ZAN: variants seen among roughly 807,000 people sequenced by gnomAD.
ZAN encodes the protein zonadhesin (gene/pseudogene).
ZAN carries 260 observed loss-of-function variants against 286.2 expected under a neutral mutation model. The observed-to-expected ratio is 0.91, with a 90% CI of 0.82 to 1.01. The LOEUF is 1.01. Among genes scored for constraint, ZAN ranks in the 50% least tolerant of loss-of-function variants. ZAN has a pLI of 0.00. For synonymous variants in ZAN, 1,368 were observed against 1,417.5 expected (o/e 0.97, Z 0.79); for missense variants, 3,410 against 3,639.2 (o/e 0.94, Z 1.62).
Position 100,759,847 on chromosome 7 carries a change from T to A in ZAN, c.3696+2T>A. On this transcript the variant is annotated splice_donor_variant, in intron 18 of 47. Transcript: ENST00000613979. LOFTEE classifies it high-confidence loss of function. Reference sequence around the variant, plus strand: ...CTGCTTAAGGGCAGACGCACTCTGGTGAGCCCCATTCCACCCCCACCATCC... The same window carrying A: ...CTGCTTAAGGGCAGACGCACTCTGGAGAGCCCCATTCCACCCCCACCATCC... 1 of 1,611,986 alleles carries A rather than the reference T, an allele frequency of 6.2e-7. No individual in the cohort carries two copies. Among genetic ancestry groups the A allele is most frequent in the Non-Finnish European group, 8.5e-7 (1 of 1,179,112 alleles).
Position 100,751,634 on chromosome 7 carries a change from C to T in ZAN, c.1607-78C>T, listed in dbSNP as rs889184766. On this transcript the variant is annotated intron_variant, in intron 13 of 47. Coordinates refer to ENST00000613979, the MANE Select transcript of ZAN (RefSeq NM_003386.3). ...TGTGAATAAGCCACCCATGGGAGCC[C>T]ACTCCAGTTAGATGGCAGTAAAGAG... The T allele has an allele frequency of 4.1e-6, 6 of 1,462,744 alleles. No homozygotes were observed. The African/African-American group carries it at 5.7e-5, about 14-fold the overall frequency. The allele number at this position is 1,462,744 out of a possible 1,614,324, so 90.6% of individuals were successfully genotyped here. A position where few individuals can be genotyped will look rare whatever the true frequency, so the allele number is the denominator to read the frequency against.
chr7:100,735,550 GA>G (rs368199475), intron 2 of ZAN, among the ~76,000 whole-genome samples, 169 bp from the exon 3 acceptor site: 1,678 of 105,314 alleles, frequency 0.016, 168 homozygotes, highest in African/African-American at 0.051. Context: ...CTGGGTGCCG[GA>G]AAAAAAAAAA....
intron 35 of ZAN, among the ~76,000 whole-genome samples, chr7:100,783,805 C>CATATATATATACACAT (rs1811376360): frequency 3.9e-4 from 9 of 22,858 alleles, no homozygotes; most frequent in Middle Eastern, 0.056. Flanking sequence ...TATATACACA[C>CATATATATATACACAT]ATATATATAT....
At chr7:100,755,940 G>C (rs188941250) in intron 15 of ZAN, among the ~76,000 whole-genome samples, 1 of 151,868 alleles carries the variant, frequency 6.6e-6, no homozygotes, top group African/African-American at 2.4e-5. Flanking sequence ...ACCCAGGCTG[G>C]AGTGCAGTGG....
At position 100,779,558 on chromosome 7, in the gene ZAN, G is replaced by C; in HGVS notation, c.6430G>C (p.Ala2144Pro). Residue 2144 changes from alanine to proline, a missense_variant, in exon 35 of 48, where the codon GCG becomes CCG. By Grantham distance (27) the Ala-to-Pro change is conservative. Transcript: ENST00000613979. Reference protein sequence around the residue: ...LRRAREKCEAALRAPVWAQCA... With the variant: ...LRRAREKCEAPLRAPVWAQCA... Reference sequence around the variant, plus strand: ...CAGGGCGCGGGAAAAGTGCGAGGCAGCGCTCCGGGCTCCTGTGTGGGCCCA... The same window carrying C: ...CAGGGCGCGGGAAAAGTGCGAGGCACCGCTCCGGGCTCCTGTGTGGGCCCA... 6 of 1,611,140 alleles carry C rather than the reference G, an allele frequency of 3.7e-6. No homozygotes were observed. Among genetic ancestry groups the C allele is most frequent in the Non-Finnish European group, 5.1e-6 (6 of 1,178,822 alleles).
At chr7:100,751,477 C>T (rs1021327748) in intron 13 of ZAN, among the ~76,000 whole-genome samples, 1 of 152,142 alleles carries the variant, frequency 6.6e-6, no homozygotes, top group African/African-American at 2.4e-5. Flanking sequence ...ATTTTGGGGG[C>T]TGGATCCAGA....
chr7:100,791,124 T>G lies in ZAN; in HGVS notation c.7529+11T>G. The G allele has an allele frequency of 6.2e-7, 1 of 1,607,532 alleles. No homozygotes were observed. The highest frequency in any genetic ancestry group is 1.1e-5 in the South Asian group (1 of 89,928). On this transcript the variant is annotated intron_variant, in intron 40 of 47. Coordinates refer to ENST00000613979, the MANE Select transcript of ZAN (RefSeq NM_003386.3). ...CCTGCGCTTCCCCAGGTGCACGGCCTGGAAGGGATGAGGCGGGGGAGGTGA... is the reference window on the plus strand; with the variant it reads ...CCTGCGCTTCCCCAGGTGCACGGCCGGGAAGGGATGAGGCGGGGGAGGTGA...
At position 100,763,868 on chromosome 7, in the gene ZAN, C is replaced by A. The variant is rs753967647; in HGVS notation, c.4049C>A (p.Ser1350Ter). ...SCDSSLQSSM[S>*]GPGFCGRLVD... is the part of the protein sequence containing the mutation. ...GATTCATCTCTGCAGAGCAGCATGT[C>A]GGGGCCAGGGTTCTGTGGACGGCTG... Residue 1350 changes from serine to a stop codon, truncating the protein, a stop_gained, in exon 21 of 48, where the codon TCG becomes TAG. Coordinates refer to ENST00000613979, the MANE Select transcript of ZAN (RefSeq NM_003386.3). LOFTEE classifies it high-confidence loss of function. This position sits in a 1 kb window ranked among gnomAD's most constrained non-coding sequence, Gnocchi z 4.6. 2.5e-6 allele frequency: 4 copies of A among 1,614,042 alleles called. No individual in the cohort carries two copies. The highest frequency in any genetic ancestry group is 1.6e-4 in the Middle Eastern group (1 of 6,062).
rs1302166809 is a variant in ZAN, at chr7:100,753,059, T to A, written c.2954T>A (p.Ile985Asn). The A allele has an allele frequency of 3.7e-6, 6 of 1,613,278 alleles. No homozygotes were observed. In the African/African-American group the frequency reaches 4.0e-5, roughly 11 times the overall value. The part of the protein sequence containing the change: ...KLTIPTEKPT[I>N]PTEKPTIPTE... ...ACCATCCCCACGGAAAAACCCACCA[T>A]CCCCACAGAAAAACCCACCATTCCC... Residue 985 changes from isoleucine to asparagine, a missense_variant, in exon 14 of 48, where the codon ATC becomes AAC. Coordinates refer to ENST00000613979, the MANE Select transcript of ZAN (RefSeq NM_003386.3).
chr7:100,797,576 G>A lies in ZAN; in HGVS notation c.8367-1G>A, dbSNP rs1258039769. The A allele has an allele frequency of 6.2e-7, 1 of 1,613,432 alleles. No individual in the cohort carries two copies. Among genetic ancestry groups the A allele is most frequent in the African/African-American group, 1.3e-5 (1 of 74,570 alleles). ...CATGTCTATTCCCCCATGCCTTCTA[G>A]AGAGAAAACGCAGGAGGGAGACAGA... On this transcript the variant is annotated splice_acceptor_variant, in intron 46 of 47. Coordinates refer to ENST00000613979, the MANE Select transcript of ZAN (RefSeq NM_003386.3). LOFTEE classifies it high-confidence loss of function.
At chr7:100,788,352 A>G (rs1209702223) in intron 38 of ZAN, among the ~76,000 whole-genome samples, 1 of 151,738 alleles carries the variant, frequency 6.6e-6, no homozygotes, top group Non-Finnish European at 1.5e-5. Context: ...GGAGTTCAAG[A>G]CCAGCCTGGG....
chr7:100,755,718 C>G (rs983387034), intron 15 of ZAN, among the ~76,000 whole-genome samples: 4 of 151,960 alleles, frequency 2.6e-5, no homozygotes, highest in African/African-American at 9.7e-5. Context: ...ACTGCAGGCA[C>G]ATGCCACCAT....
chr7:100,760,387 C>G lies in ZAN; in HGVS notation c.3697-4C>G. The G allele has an allele frequency of 6.2e-7, 1 of 1,613,580 alleles. No homozygotes were observed. Among genetic ancestry groups the G allele is most frequent in the Non-Finnish European group, 8.5e-7 (1 of 1,179,622 alleles). Reference sequence around the variant, plus strand: ...CTGTCTCTTGCCTCTGCCCTGCCTTCCAGGTTGGGGGTCAGCAAGTTACTC... The same window carrying G: ...CTGTCTCTTGCCTCTGCCCTGCCTTGCAGGTTGGGGGTCAGCAAGTTACTC... On this transcript the variant is annotated splice_region_variant and splice_polypyrimidine_tract_variant and intron_variant, in intron 18 of 47. Coordinates refer to ENST00000613979, the MANE Select transcript of ZAN (RefSeq NM_003386.3).
At position 100,779,552 on chromosome 7, in the gene ZAN, G is replaced by C; in HGVS notation, c.6424G>C (p.Glu2142Gln). Residue 2142 changes from glutamate (E) to glutamine (Q), a missense_variant, in exon 35 of 48, where the codon GAG (glutamate) becomes CAG (glutamine). Physicochemically the swap from Glu to Gln is conservative, Grantham distance 29. Transcript: ENST00000613979. ...ADLRRAREKC[E>Q]AALRAPVWAQ... ...CCTCCGCAGGGCGCGGGAAAAGTGC[G>C]AGGCAGCGCTCCGGGCTCCTGTGTG... is the stretch of plus-strand genomic sequence containing the variant. 6.2e-7 allele frequency: 1 copy of C among 1,611,726 alleles called. No individual in the cohort carries two copies. Among genetic ancestry groups the C allele is most frequent in the South Asian group, 1.1e-5 (1 of 90,542 alleles).
At chr7:100,759,405 C>T (rs1256910807) in intron 17 of ZAN, among the ~76,000 whole-genome samples, 5 of 151,780 alleles carry the variant, frequency 3.3e-5, no homozygotes, top group East Asian at 3.9e-4. Context: ...GATCTTGTCT[C>T]GAAAAATAAA....
At chr7:100,765,618 C>G in intron 23 of ZAN, 64 bp downstream of exon 23, 3 of 1,483,114 alleles carry the variant, frequency 2.0e-6, no homozygotes, top group South Asian at 1.3e-5. Flanking sequence ...GCTCTCACAC[C>G]CCCTGCAAGC....
At position 100,768,732 on chromosome 7, in the gene ZAN, G is replaced by T; in HGVS notation, c.5153+11G>T. ...ATCCTCTGAACCTGGGTGAGCTGGG[G>T]GTCAGGGGAGCCAGGCAGGAGGGGC... On this transcript the variant is annotated intron_variant, in intron 27 of 47. Transcript: ENST00000613979. The T allele has an allele frequency of 4.4e-6, 7 of 1,580,544 alleles. No homozygotes were observed. The highest frequency in any genetic ancestry group is 5.2e-6 in the Non-Finnish European group (6 of 1,162,978).
Position 100,737,113 on chromosome 7 carries a change from G to T in ZAN, c.525+33G>T, listed in dbSNP as rs374256303. On this transcript the variant is annotated intron_variant, in intron 5 of 47. Coordinates refer to ENST00000613979, the MANE Select transcript of ZAN (RefSeq NM_003386.3). ...CGGGGACAAATTGTGGGACCTCGGG[G>T]GGGAGTCTGGGTGTTGGAGAGCCTG... 12 of 1,474,366 alleles carry T rather than the reference G, an allele frequency of 8.1e-6. 2 individuals carry two copies. Among genetic ancestry groups the T allele is most frequent in the Non-Finnish European group, 1.1e-5 (12 of 1,082,746 alleles). The allele number at this position is 1,474,366 out of a possible 1,614,324, so 91.3% of individuals were successfully genotyped here.
intron 25 of ZAN, among the ~76,000 whole-genome samples, 156 bp from the exon 26 acceptor site, chr7:100,767,675 C>G (rs1810087243): frequency 6.6e-6 from 1 of 151,486 alleles, no homozygotes; most frequent in Non-Finnish European, 1.5e-5. Context: ...GACGGGCTTT[C>G]TCCATGTTGC....
Sources: allele counts gnomAD v4.1 joint callset (sites outside exome capture counted in the v4.1 genomes callset), GRCh38; gene constraint gnomAD v4.1.1; non-coding constraint Gnocchi (gnomAD v3.1); transcripts MANE v1.5; gene names NCBI Gene and HGNC (gene_info 2026-07-23, HGNC 2026-07-21).